The following PPP1R36 variants were observed in gnomAD, a reference collection of about 807,000 sequenced individuals.
PPP1R36 encodes chromosome 14 open reading frame 50.
In PPP1R36, 47 loss-of-function variants were observed where a neutral mutation model predicts 53.4. The ratio of observed to expected loss-of-function variants is 0.88; its 90% CI spans 0.70 to 1.12. The LOEUF (loss-of-function observed/expected upper bound fraction) is 1.12, where lower values mean the gene tolerates loss of function less well. Ranked by LOEUF, PPP1R36 falls within the 50% of genes most tolerant of loss-of-function variation. The pLI is 0.00. For missense variants in PPP1R36, 456 were observed against 513.9 expected (o/e 0.89, Z 1.09); for synonymous variants, 153 against 170.5 (o/e 0.90, Z 0.80).
At chr14:64,556,468 T>A (rs2080152879) in intron 3 of PPP1R36, among the ~76,000 whole-genome samples, 1 of 152,050 alleles carries the variant, frequency 6.6e-6, no homozygotes, top group African/African-American at 2.4e-5. Context: ...CTTAAAAAAA[T>A]AAGTATAAAT....
chr14:64,573,913 CAAAAAAAAAAAAAAAAAAA>C (rs35427371), intron 7 of PPP1R36, among the ~76,000 whole-genome samples: 2 of 32,520 alleles, frequency 6.2e-5, no homozygotes, highest in African/African-American at 2.7e-4. Context: ...GACTCTGTCT[CAAAAAAAAAAAAAAAAAAA>C]AAAAAAAAAA....
intron 3 of PPP1R36, among the ~76,000 whole-genome samples, chr14:64,560,522 C>CAGTTA (rs1385334847): frequency 6.6e-6 from 1 of 151,346 alleles, no homozygotes; most frequent in African/African-American, 2.4e-5. Context: ...GCAAGGAGAT[C>CAGTTA]AGTTAAGAAG....
At chr14:64,561,313 A>C (rs896520522) in intron 3 of PPP1R36, among the ~76,000 whole-genome samples, 6 of 152,144 alleles carry the variant, frequency 3.9e-5, no homozygotes, top group African/African-American at 1.4e-4. Flanking sequence ...GAAACAGGAA[A>C]TCTTACCCTC....
chr14:64,558,186 G>A (rs913821115), intron 3 of PPP1R36, among the ~76,000 whole-genome samples: 6 of 152,160 alleles, frequency 3.9e-5, no homozygotes, highest in Non-Finnish European at 8.8e-5. Flanking sequence ...CGGATCCATA[G>A]GGACTAGGTG....
chr14:64,565,671 G>C lies in PPP1R36; in HGVS notation c.413G>C (p.Cys138Ser), dbSNP rs1403234219. The change falls in exon 6 of 12, where the codon TGT (cysteine) becomes TCT (serine). Residue 138 changes from cysteine to serine, a missense_variant. Transcript: ENST00000298705. ...LLQDTEMQRICSFTTFMRNKN... is the reference protein window; with the variant it reads ...LLQDTEMQRISSFTTFMRNKN... ...CAAGATACTGAGATGCAGCGGATCT[G>C]TTCTTTTACAACATTTATGAGGTAT... 1 of 1,613,286 alleles carries C rather than the reference G, an allele frequency of 6.2e-7. No individual in the cohort carries two copies. The highest frequency in any genetic ancestry group is 1.3e-5 in the African/African-American group (1 of 74,910).
intron 7 of PPP1R36, among the ~76,000 whole-genome samples, chr14:64,571,114 TTG>T (rs893859012): frequency 3.1e-4 from 34 of 108,184 alleles, no homozygotes; most frequent in African/African-American, 1.4e-3. Flanking sequence ...TATGTACTGT[TTG>T]TTTGTTTGTT....
At chr14:64,560,702 T>TG (rs1245601198) in intron 3 of PPP1R36, among the ~76,000 whole-genome samples, 1 of 152,114 alleles carries the variant, frequency 6.6e-6, no homozygotes, top group Non-Finnish European at 1.5e-5. Flanking sequence ...CCTGGTTTGA[T>TG]GGTGGTACTT....
At chr14:64,582,572 A>G (rs778851059) in intron 8 of PPP1R36, among the ~76,000 whole-genome samples, 3 of 152,244 alleles carry the variant, frequency 2.0e-5, no homozygotes, top group Non-Finnish European at 4.4e-5. Context: ...GAAATGTAGT[A>G]GTCCAAATTG....
Position 64,587,243 on chromosome 14 carries a change from A to C in PPP1R36, c.761A>C (p.Gln254Pro). Reference sequence around the variant, plus strand: ...GTGGCTTGGATTGTCTTCCGACGTCAACACTTGACAGAGATTGAAGAAGAA... The same window carrying C: ...GTGGCTTGGATTGTCTTCCGACGTCCACACTTGACAGAGATTGAAGAAGAA... The part of the protein sequence containing the change: ...TYVAWIVFRR[Q>P]HLTEIEEEVG... The change falls in exon 10 of 12, where the codon CAA (glutamine) becomes CCA (proline). Residue 254 changes from glutamine (Q) to proline (P), a missense_variant. Gln to Pro is a moderately conservative substitution (Grantham distance 76). Coordinates refer to ENST00000298705, the MANE Select transcript of PPP1R36 (RefSeq NM_172365.3). 1 of 1,613,612 alleles carries C rather than the reference A, an allele frequency of 6.2e-7. No homozygotes were observed.
Position 64,579,708 on chromosome 14 carries a change from C to T in PPP1R36, c.668+5119C>T, listed in dbSNP as rs188779503. Among the ~76,000 whole-genome samples, 295 of 151,630 alleles carry T rather than the reference C, an allele frequency of 1.9e-3. 2 individuals are homozygous for T. The highest frequency in any genetic ancestry group is 6.7e-3 in the African/African-American group (277 of 41,334). On this transcript the variant is annotated intron_variant, in intron 8 of 11. Transcript: ENST00000298705. ...CTCTTGGGCCAGGCGCGGTGGCTCACGCCTGTAATCCCAGCACTTTGGGAG... is the reference window on the plus strand; with the variant it reads ...CTCTTGGGCCAGGCGCGGTGGCTCATGCCTGTAATCCCAGCACTTTGGGAG...
At chr14:64,588,555 ATTTTTTT>A (rs34440209) in intron 11 of PPP1R36, 13 of 149,830 alleles carry the variant, frequency 8.7e-5, no homozygotes, top group East Asian at 1.6e-4. Flanking sequence ...TGAGTAACTG[ATTTTTTT>A]TTTTTTTTTT....
At chr14:64,572,992 C>T (rs1043470908) in intron 7 of PPP1R36, among the ~76,000 whole-genome samples, 2 of 152,046 alleles carry the variant, frequency 1.3e-5, no homozygotes, top group African/African-American at 4.8e-5. Context: ...TACAGTTTGT[C>T]TTTGTATTAA....
At chr14:64,557,368 G>C (rs1331221845) in intron 3 of PPP1R36, among the ~76,000 whole-genome samples, 1 of 152,122 alleles carries the variant, frequency 6.6e-6, no homozygotes, top group East Asian at 1.9e-4. Flanking sequence ...AAACACAACT[G>C]ATGTAGGTTG....
intron 8 of PPP1R36, among the ~76,000 whole-genome samples, chr14:64,577,559 C>T (rs1019312064): frequency 2.0e-5 from 3 of 152,052 alleles, no homozygotes; most frequent in African/African-American, 7.2e-5. Flanking sequence ...TGACGGCACT[C>T]CTTGCCTTCT....
At chr14:64,587,783 G>T (rs1346870202) in intron 10 of PPP1R36, among the ~76,000 whole-genome samples, 3 of 151,048 alleles carry the variant, frequency 2.0e-5, no homozygotes, top group Non-Finnish European at 4.4e-5. Context: ...TTTTCAGACA[G>T]GATCTCATTC....
At chr14:64,563,450 A>T (rs74056310) in intron 3 of PPP1R36, among the ~76,000 whole-genome samples, 1,263 of 69,378 alleles carry the variant, frequency 0.018, 18 homozygotes, top group African/African-American at 0.058. Context: ...GGTGCCAGTC[A>T]TCTTAAAAAA....
In PPP1R36 at chr14:64,587,425, T is replaced by C. The variant is rs2080443321; in HGVS notation, c.890+53T>C. On this transcript the variant is annotated intron_variant, in intron 10 of 11. Transcript: ENST00000298705. ...AGGGGTATTTCTTTTCTTCCTTTCC[T>C]TTCTTTTCTTTTCTTTTTTCTCCTT... 13 of 900,672 alleles carry C rather than the reference T, an allele frequency of 1.4e-5. No individual in the cohort carries two copies. The South Asian group carries it at 3.8e-4, about 26-fold the overall frequency. The allele number at this position is 900,672 out of a possible 1,614,324, so 55.8% of individuals were successfully genotyped here. A position where few individuals can be genotyped will look rare whatever the true frequency, so the allele number is the denominator to read the frequency against.
intron 7 of PPP1R36, among the ~76,000 whole-genome samples, chr14:64,573,490 G>A (rs2080318548): frequency 6.6e-6 from 1 of 152,166 alleles, no homozygotes; most frequent in South Asian, 2.1e-4. Context: ...GTTGTTTTAG[G>A]AAAATAGCAG....
At chr14:64,564,376 T>C (rs1451257047) in intron 3 of PPP1R36, among the ~76,000 whole-genome samples, 1 of 152,216 alleles carries the variant, frequency 6.6e-6, no homozygotes, top group Non-Finnish European at 1.5e-5. Context: ...GATCATATTT[T>C]GTGTTAGAGT....
Sources: allele counts gnomAD v4.1 joint callset (sites outside exome capture counted in the v4.1 genomes callset), GRCh38; gene constraint gnomAD v4.1.1; transcripts MANE v1.5; gene names NCBI Gene and HGNC (gene_info 2026-07-23, HGNC 2026-07-21).